The following TNS4 variants were observed in gnomAD, a reference collection of about 807,000 sequenced individuals.
TNS4 encodes the protein tensin 4.
A neutral mutation model predicts 70.4 loss-of-function variants in TNS4; 46 were observed. The ratio of observed to expected loss-of-function variants is 0.65; its 90% CI spans 0.52 to 0.84. TNS4 has a LOEUF of 0.84. Among genes scored for constraint, TNS4 ranks in the 40% least tolerant of loss-of-function variants. The pLI, the probability that TNS4 is intolerant of heterozygous loss-of-function variation, is 0.00. For missense variants in TNS4, 863 were observed against 907.0 expected, an observed-to-expected ratio of 0.95 and a Z score of 0.62; for synonymous variants, 390 against 366.6, an observed-to-expected ratio of 1.06 and a Z score of -0.73.
At chr17:40,500,484 C>T (rs978762661) in intron 1 of TNS4, among the ~76,000 whole-genome samples, 1 of 152,052 alleles carries the variant, frequency 6.6e-6, no homozygotes, top group African/African-American at 2.4e-5. Flanking sequence ...AGGCACGGGG[C>T]GGGGGCAAGG....
rs140876567 is a variant in TNS4 at position 40,487,132 on chromosome 17, C to T, written c.1192G>A (p.Val398Ile). The part of the protein sequence containing the change: ...PQRTPGHQNS[V>I]QPGAASPSNP... ...CTGGGAGAAGCAGCTCCAGGTTGAACGGAGTTCTGGTGTCCTGGGGTCCGC... is the reference window on the plus strand; with the variant it reads ...CTGGGAGAAGCAGCTCCAGGTTGAATGGAGTTCTGGTGTCCTGGGGTCCGC... The change falls in exon 4 of 13, where the codon GTT (valine) becomes ATT (isoleucine). Residue 398 changes from valine (V) to isoleucine (I), a missense_variant. Coordinates refer to ENST00000254051, the MANE Select transcript of TNS4 (RefSeq NM_032865.6). 105 of 1,614,178 alleles carry T rather than the reference C, an allele frequency of 6.5e-5. 1 individual carries two copies. The highest frequency in any genetic ancestry group is 3.3e-4 in the Middle Eastern group (2 of 6,062).
chr17:40,485,076 A>G, intron 4 of TNS4, 69 bp from the exon 5 acceptor site: 1 of 1,374,136 alleles, frequency 7.3e-7, no homozygotes, highest in South Asian at 1.2e-5. Context: ...TTCACCAGAG[A>G]AGGCTGGAGA....
chr17:40,496,263 C>T lies in TNS4; in HGVS notation c.163G>A (p.Ala55Thr), dbSNP rs761756842. ...TEGWGAQALM[A>T]PVPCMGPPGR... ...GGGGGCCCCATGCAGGGCACGGGGG[C>T]CATCAGGGCCTGGGCTCCCCAGCCT... Residue 55 changes from alanine to threonine, a missense_variant, in exon 2 of 13, where the codon GCC becomes ACC. By Grantham distance (58) the Ala-to-Thr change is moderately conservative. Transcript: ENST00000254051. 5 of 1,604,204 alleles carry T rather than the reference C, an allele frequency of 3.1e-6. No individual in the cohort carries two copies. In the African/African-American group the frequency reaches 6.7e-5, roughly 21 times the overall value.
chr17:40,492,995 C>T (rs1211102760), intron 2 of TNS4, among the ~76,000 whole-genome samples: 2 of 151,622 alleles, frequency 1.3e-5, no homozygotes, highest in African/African-American at 4.8e-5. Flanking sequence ...CCATCACCCA[C>T]CAAAGAAAAA....
intron 8 of TNS4, among the ~76,000 whole-genome samples, chr17:40,481,104 G>A (rs1294142080): frequency 6.6e-6 from 1 of 152,076 alleles, no homozygotes; most frequent in African/African-American, 2.4e-5. Context: ...CAGAAAGCGA[G>A]GAGGCTCTCA....
At chr17:40,499,761 A>G (rs975067710) in intron 1 of TNS4, among the ~76,000 whole-genome samples, 3 of 152,228 alleles carry the variant, frequency 2.0e-5, no homozygotes, top group African/African-American at 4.8e-5. Context: ...TTTTCCACAC[A>G]GGCTCCAAGT....
rs34656877 is a variant in TNS4 at position 40,477,242 on chromosome 17, T to C, written c.*346A>G. The C allele has an allele frequency of 7.7e-3, 1,486 of 193,756 alleles. 15 individuals are homozygous for C. The highest frequency in any genetic ancestry group is 0.03 in the African/African-American group (1,287 of 42,884). The allele number at this position is 193,756 out of a possible 1,614,324, so 12.0% of individuals were successfully genotyped here. On this transcript the variant is annotated 3_prime_UTR_variant, in exon 13 of 13. Coordinates refer to ENST00000254051, the MANE Select transcript of TNS4 (RefSeq NM_032865.6). ...GTTGTGTGGGCAGGGCCCAGGTCGA[T>C]GGGGTCAGAGGGTCCTTGGAGGTTA...
chr17:40,492,613 T>TTTTTTTTTTTTGGTTG (rs770378777), intron 2 of TNS4, among the ~76,000 whole-genome samples: 1 of 140,358 alleles, frequency 7.1e-6, no homozygotes, highest in African/African-American at 2.7e-5. Flanking sequence ...TTTTTTTTTT[T>TTTTTTTTTTTTGGTTG]GTTTTAAGCC....
Position 40,477,485 on chromosome 17 carries a change from T to C in TNS4, c.*103A>G, listed in dbSNP as rs944890408. On this transcript the variant is annotated 3_prime_UTR_variant, in exon 13 of 13. Transcript: ENST00000254051. The stretch of plus-strand genomic sequence containing the variant: ...TGCCAATCCCCCTAGTCCCATAGAT[T>C]GGTCTGTCAATATGGCCACAAGCCA... 4 of 1,484,240 alleles carry C rather than the reference T, an allele frequency of 2.7e-6. No individual in the cohort carries two copies. The highest frequency in any genetic ancestry group is 3.7e-6 in the Non-Finnish European group (4 of 1,092,540). The allele number at this position is 1,484,240 out of a possible 1,614,324, so 91.9% of individuals were successfully genotyped here.
intron 3 of TNS4, 114 bp downstream of exon 3, chr17:40,488,432 G>A: frequency 1.0e-6 from 1 of 997,180 alleles, no homozygotes; most frequent in Non-Finnish European, 1.4e-6. Flanking sequence ...TCTGGTTTTG[G>A]TGCATGCCCA....
At chr17:40,493,888 A>G (rs939935037) in intron 2 of TNS4, among the ~76,000 whole-genome samples, 1 of 152,290 alleles carries the variant, frequency 6.6e-6, no homozygotes, top group African/African-American at 2.4e-5. Context: ...GTGGAAATCC[A>G]GTCCTGGGGC....
rs561285117 is a variant in TNS4 at position 40,484,546 on chromosome 17, C to G, written c.1439G>C (p.Arg480Pro). Reference sequence around the variant, plus strand: ...CTTCAGGGCCAGGCCGAAGGAGCCTCGGTATGAAGAGCTGTCCCTTATGAC... The same window carrying G: ...CTTCAGGGCCAGGCCGAAGGAGCCTGGGTATGAAGAGCTGTCCCTTATGAC... ...AFVIRDSSSY[R>P]GSFGLALKVQ... Residue 480 changes from arginine to proline, a missense_variant, in exon 6 of 13, where the codon CGA (arginine) becomes CCA (proline). Physicochemically the swap from Arg to Pro is moderately radical, Grantham distance 103. Transcript: ENST00000254051. The G allele has an allele frequency of 1.6e-5, 26 of 1,612,824 alleles. No individual in the cohort carries two copies. In the South Asian group the frequency reaches 1.9e-4, roughly 12 times the overall value.
At position 40,484,973 on chromosome 17, in the gene TNS4, G is replaced by A. The variant is rs1474969360; in HGVS notation, c.1323C>T (p.Phe441=). 11 of 1,614,164 alleles carry A rather than the reference G, an allele frequency of 6.8e-6. No homozygotes were observed. Among genetic ancestry groups the A allele is most frequent in the South Asian group, 2.2e-5 (2 of 91,084 alleles). Residue 441 remains phenylalanine, a synonymous_variant, in exon 5 of 13, where the codon TTC becomes TTT. Transcript: ENST00000254051. ...ACCAGTATTTAGATGTGTCCATCACGAACTTCATGGTGGGCTGCATGTCCC... is the reference window on the plus strand; with the variant it reads ...ACCAGTATTTAGATGTGTCCATCACAAACTTCATGGTGGGCTGCATGTCCC... The part of the protein sequence containing the change: ...PARDMQPTMK[F]VMDTSKYWFK...
Position 40,482,414 on chromosome 17 carries a change from C to A in TNS4, c.1504G>T (p.Glu502Ter), listed in dbSNP as rs1337244138. 6.2e-7 allele frequency: 1 copy of A among 1,613,782 alleles called. No individual in the cohort carries two copies. The highest frequency in any genetic ancestry group is 1.7e-5 in the Admixed American group (1 of 60,034). ...TGTCGGATGAGGTCATTGCTGTCCT[C>A]ACCTGGACAGAGAAGAAAGAGTGCA... ...VPASAQSRPG[E>*]DSNDLIRHFL... The change falls in exon 7 of 13, where the codon GAG becomes TAG. Residue 502 changes from glutamate (E) to a stop codon, truncating the protein, a stop_gained and splice_region_variant. Coordinates refer to ENST00000254051, the MANE Select transcript of TNS4 (RefSeq NM_032865.6). LOFTEE classifies it high-confidence loss of function.
At position 40,488,753 on chromosome 17, in the gene TNS4, T is replaced by A. The variant is rs2036025911; in HGVS notation, c.656A>T (p.Glu219Val). The A allele has an allele frequency of 6.2e-7, 1 of 1,603,252 alleles. No homozygotes were observed. Among genetic ancestry groups the A allele is most frequent in the African/African-American group, 1.4e-5 (1 of 73,682 alleles). ...RGHQRPLPPSEGLSPRPPNSP... is the reference protein window; with the variant it reads ...RGHQRPLPPSVGLSPRPPNSP... ...ATTTGGGGGTCGAGGGGAGAGACCC[T>A]CTGAGGGGGGCAGAGGGCGCTGGTG... is the stretch of plus-strand genomic sequence containing the variant. The change falls in exon 3 of 13, where the codon GAG becomes GTG. Residue 219 changes from glutamate (E) to valine (V), a missense_variant. Coordinates refer to ENST00000254051, the MANE Select transcript of TNS4 (RefSeq NM_032865.6).
chr17:40,478,298 A>C lies in TNS4; in HGVS notation c.2006+9T>G. The C allele has an allele frequency of 3.1e-6, 5 of 1,612,042 alleles. No homozygotes were observed. Among genetic ancestry groups the C allele is most frequent in the Non-Finnish European group, 4.2e-6 (5 of 1,179,408 alleles). On this transcript the variant is annotated intron_variant, in intron 12 of 12. Transcript: ENST00000254051. Reference sequence around the variant, plus strand: ...TTGGGTTTGGGGCCCTGAGACAGGAAGGCCTTACCAGGAGGGTTTGCAGTA... The same window carrying C: ...TTGGGTTTGGGGCCCTGAGACAGGACGGCCTTACCAGGAGGGTTTGCAGTA...
chr17:40,480,050 C>T (rs2035901046), intron 9 of TNS4: 1 of 593,928 alleles, frequency 1.7e-6, no homozygotes, highest in Non-Finnish European at 2.9e-6. Context: ...CTTTGCATCG[C>T]CCTGGCCCCT....
intron 6 of TNS4, among the ~76,000 whole-genome samples, chr17:40,483,512 T>C (rs17472389): frequency 0.047 from 7,094 of 152,316 alleles, 297 homozygotes; most frequent in Admixed American, 0.14. Context: ...GGAAACTTCT[T>C]AATTATTTAG....
chr17:40,490,121 C>A (rs2036048000), intron 2 of TNS4, among the ~76,000 whole-genome samples: 1 of 152,140 alleles, frequency 6.6e-6, no homozygotes, highest in African/African-American at 2.4e-5. Flanking sequence ...TCCCTGAGCA[C>A]AGGGCTTGCT....
Sources: gnomAD v4.1 joint callset for allele counts (sites outside exome capture counted in the v4.1 genomes callset) on GRCh38, gnomAD v4.1.1 for gene constraint, MANE v1.5 for transcripts, NCBI Gene and HGNC (gene_info 2026-07-23, HGNC 2026-07-21) for gene names.